Variants in NGEF observed in about 807,000 individuals in gnomAD.
NGEF encodes the protein neuronal guanine nucleotide exchange factor.
Under a neutral mutation model 80.9 loss-of-function variants are expected in NGEF, and 31 were observed. The ratio of observed to expected loss-of-function variants is 0.38; its 90% CI spans 0.29 to 0.52. The LOEUF is 0.52. Ranked by LOEUF, NGEF falls within the 20% of genes least tolerant of loss-of-function variation. The probability of loss-of-function intolerance (pLI) is 0.84; values close to 1 mark genes in which losing one functional copy is unlikely to be tolerated. For missense variants in NGEF, 709 were observed against 926.2 expected (o/e 0.77, Z 3.04); for synonymous variants, 371 against 370.2 (o/e 1.00, Z -0.03).
chr2:232,886,617 A>AT (rs202163459), intron 9 of NGEF, among the ~76,000 whole-genome samples: 1 of 126,470 alleles, frequency 7.9e-6, no homozygotes, highest in Non-Finnish European at 1.8e-5. Context: ...ATAAACCTTC[A>AT]TTTTTAAAAA....
rs67252740 is a variant in NGEF, at chr2:232,879,420, G to GCCC, written c.*66_*68dup. 747 of 1,231,080 alleles carry GCCC rather than the reference G, an allele frequency of 6.1e-4. 26 individuals are homozygous for GCCC. The African/African-American group carries it at 6.3e-3, about 10-fold the overall frequency. The allele number at this position is 1,231,080 out of a possible 1,614,324, so 76.3% of individuals were successfully genotyped here. ...GAGGTGCTGGCCTGTGCTTCCCAGA[G>GCCC]CCCCCCCCCCCCCACCTTCTGTCGG... is the stretch of plus-strand genomic sequence containing the variant. On this transcript the variant is annotated 3_prime_UTR_variant, in exon 15 of 15. Transcript: ENST00000264051.
At chr2:232,929,317 C>T (rs1693170131) in intron 3 of NGEF, among the ~76,000 whole-genome samples, 1 of 152,214 alleles carries the variant, frequency 6.6e-6, no homozygotes, top group Non-Finnish European at 1.5e-5. Flanking sequence ...GATCCTTAAC[C>T]AGTCTTGAAT....
chr2:232,879,593 G>A lies in NGEF; in HGVS notation c.2029C>T (p.Arg677Trp), dbSNP rs1408223710. 6.2e-7 allele frequency: 1 copy of A among 1,613,740 alleles called. No homozygotes were observed. The highest frequency in any genetic ancestry group is 8.5e-7 in the Non-Finnish European group (1 of 1,179,944). The change falls in exon 15 of 15, where the codon CGG (arginine) becomes TGG (tryptophan). Residue 677 changes from arginine to tryptophan, a missense_variant. Transcript: ENST00000264051. ...MTEEILNPKI[R>W]SQNLKECFRV... ...AAACATTCCTTGAGGTTCTGGGACC[G>A]GATCTTGGGATTCAAGATCTCCTCA... is the stretch of plus-strand genomic sequence containing the variant.
chr2:232,956,595 C>T (rs144368714), intron 3 of NGEF, among the ~76,000 whole-genome samples: 1,833 of 151,834 alleles, frequency 0.012, 25 homozygotes, highest in African/African-American at 0.027. Context: ...GGCGAAACTC[C>T]GTCTCTACTA....
chr2:232,881,823 C>T (rs1321777905), intron 13 of NGEF, among the ~76,000 whole-genome samples: 1 of 152,192 alleles, frequency 6.6e-6, no homozygotes, highest in African/African-American at 2.4e-5. Flanking sequence ...GTGATCCACC[C>T]GCCTCGGCCT....
At chr2:232,883,139 A>G (rs1691569360) in intron 12 of NGEF, among the ~76,000 whole-genome samples, 172 bp downstream of exon 12, 1 of 152,024 alleles carries the variant, frequency 6.6e-6, no homozygotes, top group South Asian at 2.1e-4. Flanking sequence ...AGCCACCCCC[A>G]GCGGCTCCAT....
chr2:232,913,495 T>C (rs1460257462), intron 5 of NGEF, among the ~76,000 whole-genome samples: 2 of 152,250 alleles, frequency 1.3e-5, no homozygotes, highest in Non-Finnish European at 2.9e-5. Flanking sequence ...TTTGGGTTGA[T>C]GGTGGCCGAT....
chr2:232,913,124 T>C (rs1330134983), intron 5 of NGEF, among the ~76,000 whole-genome samples: 2 of 152,230 alleles, frequency 1.3e-5, no homozygotes, highest in African/African-American at 4.8e-5. Context: ...CTTTCTTAAA[T>C]AAACATAATG....
At chr2:232,997,535 G>A (rs529146799) in intron 1 of NGEF, among the ~76,000 whole-genome samples, 1 of 152,212 alleles carries the variant, frequency 6.6e-6, no homozygotes, top group African/African-American at 2.4e-5. Flanking sequence ...GAGATTTCTA[G>A]AACACAGAAA....
rs1559222428 is a variant in NGEF, at chr2:232,953,512, A to ATT, written c.383+16701_383+16702insAA. Among the ~76,000 whole-genome samples the ATT allele has an allele frequency of 4.0e-3, 573 of 143,832 alleles. 4 individuals are homozygous for ATT. Among genetic ancestry groups the ATT allele is most frequent in the Middle Eastern group, 0.01 (3 of 286 alleles). The allele number at this position is 143,832 out of a possible 152,430, so 94.4% of individuals were successfully genotyped here. A position where few individuals can be genotyped will look rare whatever the true frequency, so the allele number is the denominator to read the frequency against. The stretch of plus-strand genomic sequence containing the variant: ...TGACTTACATTCTTTTTTTTTTTAA[A>ATT]AAAAAAAGAAAAAGTTTAACATACA... On this transcript the variant is annotated intron_variant, in intron 3 of 14. Coordinates refer to ENST00000264051, the MANE Select transcript of NGEF (RefSeq NM_019850.3).
chr2:232,893,992 C>T (rs1406941011), intron 6 of NGEF, among the ~76,000 whole-genome samples: 3 of 152,214 alleles, frequency 2.0e-5, no homozygotes, highest in African/African-American at 7.2e-5. Context: ...TGATGCTGAG[C>T]GGATCCCCAC....
At chr2:232,946,446 CA>C (rs1471423957) in intron 3 of NGEF, among the ~76,000 whole-genome samples, 1 of 151,738 alleles carries the variant, frequency 6.6e-6, no homozygotes, top group Non-Finnish European at 1.5e-5. Context: ...AAAAAATTTT[CA>C]AAAAAAGAAA....
At chr2:232,907,565 C>CCT (rs1692595093) in intron 5 of NGEF, among the ~76,000 whole-genome samples, 1 of 152,192 alleles carries the variant, frequency 6.6e-6, no homozygotes, top group Admixed American at 6.5e-5. Flanking sequence ...CACACTGAAG[C>CCT]CTGCGTGCTC....
intron 1 of NGEF, among the ~76,000 whole-genome samples, chr2:233,004,518 T>G (rs1695047885): frequency 6.6e-6 from 1 of 152,202 alleles, no homozygotes; most frequent in South Asian, 2.1e-4. Context: ...CCTGTCTAGA[T>G]TCTAGTGTGG....
intron 3 of NGEF, among the ~76,000 whole-genome samples, chr2:232,942,792 C>CAAAAAAA (rs35882284): frequency 8.3e-6 from 1 of 120,646 alleles, no homozygotes; most frequent in Non-Finnish European, 1.8e-5. Context: ...GACTCCGTCT[C>CAAAAAAA]AAAAAAAAAA....
At chr2:233,004,602 C>A (rs993792845) in intron 1 of NGEF, among the ~76,000 whole-genome samples, 3 of 152,198 alleles carry the variant, frequency 2.0e-5, no homozygotes, top group African/African-American at 4.8e-5. Context: ...CAAACCTGGT[C>A]CTTTGTGGAA....
At chr2:232,986,037 C>G (rs1256023179) in intron 1 of NGEF, among the ~76,000 whole-genome samples, 1 of 151,800 alleles carries the variant, frequency 6.6e-6, no homozygotes, top group Non-Finnish European at 1.5e-5. Context: ...AATGTTGAAG[C>G]ATTGCTGAAG....
intron 1 of NGEF, among the ~76,000 whole-genome samples, chr2:233,003,634 C>T (rs1006266838): frequency 3.3e-5 from 5 of 152,154 alleles, no homozygotes; most frequent in Non-Finnish European, 7.3e-5. Flanking sequence ...GTCTGTTCAT[C>T]CATCGGCTCC....
At chr2:232,903,448 A>G (rs961824739) in intron 5 of NGEF, among the ~76,000 whole-genome samples, 3 of 152,102 alleles carry the variant, frequency 2.0e-5, no homozygotes, top group African/African-American at 7.2e-5. Flanking sequence ...ACACACACAC[A>G]CACACACACA....
Sources: allele counts gnomAD v4.1 joint callset (sites outside exome capture counted in the v4.1 genomes callset), GRCh38; gene constraint gnomAD v4.1.1; transcripts MANE v1.5; gene names NCBI Gene and HGNC (gene_info 2026-07-23, HGNC 2026-07-21).